WWC2: variants seen among roughly 807,000 people sequenced by gnomAD.
WWC2 encodes the protein protein WWC2.
WWC2 carries 101 observed loss-of-function variants against 138.5 expected under a neutral mutation model. That is an observed-to-expected ratio of 0.73 (90% CI 0.62 to 0.86). WWC2 has a LOEUF of 0.86. Among genes scored for constraint, WWC2 ranks in the 40% least tolerant of loss-of-function variants. WWC2 has a pLI of 0.00. For synonymous variants in WWC2, 558 were observed against 538.4 expected, an observed-to-expected ratio of 1.04 and a Z score of -0.50; for missense variants, 1,420 against 1,419.4, an observed-to-expected ratio of 1.00 and a Z score of -0.01.
At chr4:183,234,150 A>C (rs2111295477) in intron 4 of WWC2, among the ~76,000 whole-genome samples, 1 of 152,334 alleles carries the variant, frequency 6.6e-6, no homozygotes, top group East Asian at 1.9e-4. Flanking sequence ...GATTATAAGA[A>C]GTGGTAAGAA....
intron 8 of WWC2, among the ~76,000 whole-genome samples, chr4:183,250,631 GT>G (rs1736949586): frequency 6.6e-6 from 1 of 151,946 alleles, no homozygotes; most frequent in Non-Finnish European, 1.5e-5. Context: ...TTCACTATCC[GT>G]ATCTAGTAGA....
intron 1 of WWC2, among the ~76,000 whole-genome samples, chr4:183,155,221 A>AGAGAGAGAGAGAGTGAGT (rs61543148): frequency 1.5e-5 from 2 of 135,184 alleles, no homozygotes; most frequent in African/African-American, 5.5e-5. Context: ...AGAGAGAGAG[A>AGAGAGAGAGAGAGTGAGT]GAGTTAGTTG....
At chr4:183,111,266 C>T (rs1732222809) in intron 1 of WWC2, among the ~76,000 whole-genome samples, 1 of 152,036 alleles carries the variant, frequency 6.6e-6, no homozygotes, top group South Asian at 2.1e-4. Flanking sequence ...TTCTGACTTA[C>T]TAATGGACTG....
chr4:183,253,098 C>A (rs1737027817), intron 8 of WWC2, among the ~76,000 whole-genome samples: 1 of 152,112 alleles, frequency 6.6e-6, no homozygotes. Flanking sequence ...CCAGGCTGGT[C>A]TCGAACTCAT....
chr4:183,308,424 A>G (rs936502983), intron 21 of WWC2, among the ~76,000 whole-genome samples: 1 of 152,204 alleles, frequency 6.6e-6, no homozygotes, highest in Non-Finnish European at 1.5e-5. Context: ...ACAGTATTGA[A>G]GAAGAATAAA....
At chr4:183,127,992 G>T (rs577751734) in intron 1 of WWC2, among the ~76,000 whole-genome samples, 1 of 151,822 alleles carries the variant, frequency 6.6e-6, no homozygotes, top group African/African-American at 2.4e-5. Context: ...ATAGGGTCTT[G>T]GGACTAGGAG....
intron 1 of WWC2, among the ~76,000 whole-genome samples, chr4:183,168,005 G>A (rs181546473): frequency 8.9e-4 from 135 of 151,758 alleles, no homozygotes; most frequent in African/African-American, 3.0e-3. Flanking sequence ...ACAGGCGTGC[G>A]CCACCATGCC....
chr4:183,303,835 GT>G (rs1020474527), intron 21 of WWC2, among the ~76,000 whole-genome samples: 7 of 151,084 alleles, frequency 4.6e-5, no homozygotes, highest in African/African-American at 9.7e-5. Flanking sequence ...ATTGTGGAGA[GT>G]TTTTTTAAAC....
At chr4:183,268,678 G>T (rs746095255) in intron 14 of WWC2, among the ~76,000 whole-genome samples, 9 of 152,086 alleles carry the variant, frequency 5.9e-5, no homozygotes, top group Non-Finnish European at 1.2e-4. Flanking sequence ...CGTTAAATTC[G>T]TCTGCCCTAC....
Position 183,265,040 on chromosome 4 carries a change from G to A in WWC2, c.1972G>A (p.Val658Met). 1 of 1,613,772 alleles carries A rather than the reference G, an allele frequency of 6.2e-7. No individual in the cohort carries two copies. The highest frequency in any genetic ancestry group is 8.5e-7 in the Non-Finnish European group (1 of 1,179,756). ...CTTGCTTGGGGAGAAAACCACTTGTGTGTCGGCTGCTGTGTCTGATGAGTC... is the reference window on the plus strand; with the variant it reads ...CTTGCTTGGGGAGAAAACCACTTGTATGTCGGCTGCTGTGTCTGATGAGTC... ...IHLLGEKTTC[V>M]SAAVSDESVA... is the part of the protein sequence containing the mutation. The change falls in exon 12 of 23, where the codon GTG (valine) becomes ATG (methionine). Residue 658 changes from valine (V) to methionine (M), a missense_variant. Physicochemically the swap from Val to Met is conservative, Grantham distance 21. Transcript: ENST00000403733.
intron 11 of WWC2, among the ~76,000 whole-genome samples, chr4:183,262,846 C>G (rs1308257270): frequency 6.6e-6 from 1 of 152,166 alleles, no homozygotes; most frequent in Non-Finnish European, 1.5e-5. Flanking sequence ...GCCAAGCCTC[C>G]ACTCACATTT....
intron 21 of WWC2, among the ~76,000 whole-genome samples, chr4:183,306,793 C>T (rs1197534357): frequency 6.8e-6 from 1 of 148,010 alleles, no homozygotes; most frequent in Non-Finnish European, 1.5e-5. Flanking sequence ...TCCCAAAGTG[C>T]TGGGATTACA....
chr4:183,253,540 A>C (rs1357238094), intron 8 of WWC2, among the ~76,000 whole-genome samples: 3 of 152,074 alleles, frequency 2.0e-5, no homozygotes, highest in African/African-American at 7.2e-5. Flanking sequence ...TGGGGGAAAG[A>C]AGTGGGTGAC....
rs567418069 is a variant in WWC2, at chr4:183,317,860, A to T, written c.*2131A>T. 1.3e-5 allele frequency: 2 copies of T among 152,186 alleles called. No individual in the cohort carries two copies. The highest frequency in any genetic ancestry group is 2.9e-5 in the Non-Finnish European group (2 of 68,020). 9.4% of individuals were successfully genotyped at this position (152,186 alleles called of 1,614,324 possible). Reference sequence around the variant, plus strand: ...GGCTGGTAGTTAGCAGTTGTGACCAAGATGCTTTTGGTTGTTGTATTTCAC... The same window carrying T: ...GGCTGGTAGTTAGCAGTTGTGACCATGATGCTTTTGGTTGTTGTATTTCAC... On this transcript the variant is annotated 3_prime_UTR_variant, in exon 23 of 23. Coordinates refer to ENST00000403733, the MANE Select transcript of WWC2 (RefSeq NM_024949.6).
At chr4:183,221,755 G>A (rs1298784704) in intron 4 of WWC2, among the ~76,000 whole-genome samples, 1 of 152,152 alleles carries the variant, frequency 6.6e-6, no homozygotes, top group Non-Finnish European at 1.5e-5. Flanking sequence ...CTACAGCAGT[G>A]CTTAATGGGA....
chr4:183,163,686 GA>G (rs1734026629), intron 1 of WWC2, among the ~76,000 whole-genome samples: 1 of 152,056 alleles, frequency 6.6e-6, no homozygotes. Flanking sequence ...AATTACTTTG[GA>G]AGTACCCTTT....
At chr4:183,132,911 G>A (rs956992612) in intron 1 of WWC2, among the ~76,000 whole-genome samples, 22 of 151,828 alleles carry the variant, frequency 1.4e-4, no homozygotes, top group African/African-American at 4.8e-4. Flanking sequence ...TATTGCACTT[G>A]CTAGGATTTG....
intron 1 of WWC2, among the ~76,000 whole-genome samples, chr4:183,174,839 C>T (rs188517797): frequency 1.3e-5 from 2 of 151,996 alleles, no homozygotes; most frequent in Non-Finnish European, 2.9e-5. Context: ...CTCTCTCTCT[C>T]TCTGTAATAT....
At chr4:183,123,552 T>G (rs6834771) in intron 1 of WWC2, among the ~76,000 whole-genome samples, 5,666 of 152,232 alleles carry the variant, frequency 0.037, 127 homozygotes, top group African/African-American at 0.051. Context: ...GATAGTGGTT[T>G]TCTGTGGGGA....
Sources: allele counts gnomAD v4.1 joint callset (sites outside exome capture counted in the v4.1 genomes callset), GRCh38; gene constraint gnomAD v4.1.1; transcripts MANE v1.5; gene names NCBI Gene and HGNC (gene_info 2026-07-23, HGNC 2026-07-21).